REV3L: variants seen among roughly 807,000 people sequenced by gnomAD.
REV3L encodes DNA polymerase zeta catalytic subunit.
Under a neutral mutation model 299.4 loss-of-function variants are expected in REV3L, and 69 were observed. The observed-to-expected ratio is 0.23, with a 90% CI of 0.19 to 0.28. REV3L has a LOEUF of 0.28. Ranked by LOEUF, REV3L falls within the 10% of genes least tolerant of loss-of-function variation. REV3L has a pLI of 1.00. For missense variants in REV3L, 3,128 were observed against 3,693.8 expected (o/e 0.85, Z 3.97); for synonymous variants, 1,238 against 1,271.4 (o/e 0.97, Z 0.56).
At chr6:111,318,401 G>C (rs941774208) in intron 26 of REV3L, among the ~76,000 whole-genome samples, 1 of 152,086 alleles carries the variant, frequency 6.6e-6, no homozygotes, top group Admixed American at 6.6e-5. Context: ...CAAAGTGCTA[G>C]GATTACAGGT....
intron 1 of REV3L, among the ~76,000 whole-genome samples, chr6:111,465,077 TTTTA>T (rs1429531304): frequency 2.1e-5 from 3 of 143,558 alleles, no homozygotes; most frequent in African/African-American, 7.3e-5. Flanking sequence ...ATAAAGTTAT[TTTTA>T]TTTGTTTTTT....
intron 31 of REV3L, among the ~76,000 whole-genome samples, chr6:111,303,700 A>ATTTTTTTT (rs1771921771): frequency 1.3e-4 from 1 of 7,582 alleles, no homozygotes; most frequent in Non-Finnish European, 2.6e-4. Flanking sequence ...ACAGACTATG[A>ATTTTTTTT]CTTTTTTTTT....
intron 1 of REV3L, among the ~76,000 whole-genome samples, chr6:111,434,128 A>G (rs1369170220): frequency 6.6e-6 from 1 of 152,218 alleles, no homozygotes; most frequent in Non-Finnish European, 1.5e-5. Context: ...TAAGATCTGG[A>G]GCAAGACCAG....
intron 1 of REV3L, among the ~76,000 whole-genome samples, chr6:111,450,823 C>T (rs932146319): frequency 6.6e-6 from 1 of 152,286 alleles, no homozygotes; most frequent in African/African-American, 2.4e-5. Context: ...TTATCATATC[C>T]GCTTTTGTCC....
intron 13 of REV3L, among the ~76,000 whole-genome samples, chr6:111,370,066 T>C (rs911755502): frequency 1.1e-4 from 17 of 152,032 alleles, no homozygotes; most frequent in Admixed American, 1.0e-3. Flanking sequence ...CTCCTGACCT[T>C]GTGATCTGCC....
chr6:111,342,561 G>A (rs1027052434), intron 21 of REV3L, among the ~76,000 whole-genome samples: 12 of 151,824 alleles, frequency 7.9e-5, no homozygotes, highest in Non-Finnish European at 1.5e-4. Context: ...CCAGGTACTC[G>A]GGAGGCTGAG....
chr6:111,466,658 G>A (rs1360982197), intron 1 of REV3L, among the ~76,000 whole-genome samples: 2 of 152,140 alleles, frequency 1.3e-5, no homozygotes, highest in South Asian at 2.1e-4. Context: ...CCAACATGGC[G>A]AAACCCCATC....
At position 111,376,380 on chromosome 6, in the gene REV3L, T is replaced by C. The variant is rs140631975; in HGVS notation, c.1975A>G (p.Ile659Val). 1.1e-5 allele frequency: 17 copies of C among 1,612,536 alleles called. No homozygotes were observed. Among genetic ancestry groups the C allele is most frequent in the Non-Finnish European group, 1.4e-5 (16 of 1,179,564 alleles). Residue 659 changes from isoleucine (I) to valine (V), a missense_variant, in exon 13 of 32, where the codon ATT (isoleucine) becomes GTT (valine). By Grantham distance (29) the Ile-to-Val change is conservative. Around this residue, in one of 9 missense-constraint regions of REV3L, gnomAD observed 2,409 missense variants for 2,611.8 expected, o/e 0.92. Coordinates refer to ENST00000368802, the MANE Select transcript of REV3L (RefSeq NM_001372078.1). ...GGAATATCTTCTTCATAATCAAAAA[T>C]ACTACTTTCACAGGAAGATACTGGG... is the stretch of plus-strand genomic sequence containing the variant. ...ILPVSSCESS[I>V]FDYEEDIPSV...
intron 24 of REV3L, among the ~76,000 whole-genome samples, chr6:111,331,302 C>T (rs1250554020): frequency 6.6e-6 from 1 of 152,042 alleles, no homozygotes; most frequent in East Asian, 1.9e-4. Context: ...AGAAGAACAA[C>T]TAGTAGCATC....
chr6:111,456,398 T>A (rs1490830780), intron 1 of REV3L, among the ~76,000 whole-genome samples: 2 of 152,172 alleles, frequency 1.3e-5, no homozygotes, highest in African/African-American at 4.8e-5. Flanking sequence ...CTTCAATTTT[T>A]AAGAAGAAAT....
intron 4 of REV3L, among the ~76,000 whole-genome samples, chr6:111,403,452 A>G (rs1256600773): frequency 1.3e-5 from 2 of 152,244 alleles, no homozygotes; most frequent in Non-Finnish European, 2.9e-5. Context: ...CCATTTTTAC[A>G]AGAGCATGTG....
intron 4 of REV3L, among the ~76,000 whole-genome samples, chr6:111,398,738 C>T (rs1333225222): frequency 6.6e-6 from 1 of 151,874 alleles, no homozygotes; most frequent in African/African-American, 2.4e-5. Flanking sequence ...CCTGAGATAA[C>T]ATGATAAAAT....
At chr6:111,379,342 T>G (rs1420997144) in intron 11 of REV3L, among the ~76,000 whole-genome samples, 1 of 152,256 alleles carries the variant, frequency 6.6e-6, no homozygotes, top group African/African-American at 2.4e-5. Context: ...AAAAAAGTTC[T>G]AATCTAGCCT....
intron 5 of REV3L, 36 bp from the exon 6 acceptor site, chr6:111,390,216 G>A: frequency 7.7e-7 from 1 of 1,295,646 alleles, no homozygotes; most frequent in Non-Finnish European, 1.1e-6. Context: ...TAATAATTAT[G>A]TGAGAGCAAA....
intron 1 of REV3L, among the ~76,000 whole-genome samples, chr6:111,464,943 A>G (rs977180364): frequency 1.3e-5 from 2 of 152,074 alleles, no homozygotes; most frequent in East Asian, 1.9e-4. Flanking sequence ...CGGAGGCTGC[A>G]GTGAGCCACG....
At chr6:111,315,615 C>T in intron 26 of REV3L, 1 of 482,764 alleles carries the variant, frequency 2.1e-6, no homozygotes. Flanking sequence ...CACAGATCAG[C>T]TCAGATATCC....
intron 1 of REV3L, among the ~76,000 whole-genome samples, chr6:111,447,534 C>T (rs1323138059): frequency 6.6e-6 from 1 of 152,076 alleles, no homozygotes; most frequent in Non-Finnish European, 1.5e-5. Context: ...TTAACCTTTT[C>T]ACATTAAAAA....
At chr6:111,365,575 C>T (rs1779102414) in intron 14 of REV3L, among the ~76,000 whole-genome samples, 1 of 152,082 alleles carries the variant, frequency 6.6e-6, no homozygotes, top group Non-Finnish European at 1.5e-5. Context: ...GAATTTTATA[C>T]CTCAGTCATT....
intron 10 of REV3L, 42 bp from the exon 11 acceptor site, chr6:111,380,261 T>TG (rs770168413): frequency 5.2e-5 from 67 of 1,288,088 alleles, no homozygotes; most frequent in Non-Finnish European, 6.9e-5. Flanking sequence ...TAAGTTTTCT[T>TG]TTTTTTTTTT....
Sources: allele counts gnomAD v4.1 joint callset (sites outside exome capture counted in the v4.1 genomes callset), GRCh38; gene constraint gnomAD v4.1.1; regional missense constraint gnomAD v4.1.1; transcripts MANE v1.5; gene names NCBI Gene and HGNC (gene_info 2026-07-23, HGNC 2026-07-21).